ESYT2: variants seen among roughly 807,000 people sequenced by gnomAD.
ESYT2 encodes extended synaptotagmin-2.
In ESYT2, 54 loss-of-function variants were observed where a neutral mutation model predicts 107.2. That is an observed-to-expected ratio of 0.50 (90% confidence interval 0.40 to 0.63). The LOEUF is 0.63. ESYT2 is among the 30% of genes least tolerant of loss of function. ESYT2 has a pLI of 0.00. For synonymous variants in ESYT2, 491 were observed against 434.1 expected (o/e 1.13, Z -1.63); for missense variants, 1,020 against 1,094.5 (o/e 0.93, Z 0.96).
chr7:158,774,587 T>C (rs944550682), intron 6 of ESYT2, among the ~76,000 whole-genome samples: 4 of 152,208 alleles, frequency 2.6e-5, no homozygotes, highest in African/African-American at 9.6e-5. Context: ...TTACACAACT[T>C]AAAAAGGAAC....
At chr7:158,809,322 A>C (rs899353500) in intron 1 of ESYT2, among the ~76,000 whole-genome samples, 1 of 151,856 alleles carries the variant, frequency 6.6e-6, no homozygotes, top group African/African-American at 2.4e-5. Context: ...CTAAAAATAC[A>C]AAAAGTAGCT....
At chr7:158,806,930 T>C (rs768901531) in intron 1 of ESYT2, among the ~76,000 whole-genome samples, 16 of 152,198 alleles carry the variant, frequency 1.1e-4, no homozygotes, top group Non-Finnish European at 1.8e-4. Flanking sequence ...AGATGGGCAA[T>C]TGTAGCACTG....
At chr7:158,828,348 TGCGCAC>T (rs1166435345) in intron 1 of ESYT2, among the ~76,000 whole-genome samples, 1 of 152,204 alleles carries the variant, frequency 6.6e-6, no homozygotes, top group East Asian at 1.9e-4. Context: ...GCTTTGGGAA[TGCGCAC>T]GAGAATCGCG....
chr7:158,782,700 G>A (rs534902055), intron 6 of ESYT2, among the ~76,000 whole-genome samples: 4 of 152,246 alleles, frequency 2.6e-5, no homozygotes, highest in South Asian at 4.1e-4. Flanking sequence ...GTGTGAAAAC[G>A]AATCTGCAAG....
intron 6 of ESYT2, among the ~76,000 whole-genome samples, chr7:158,786,460 C>T (rs1186218692): frequency 6.6e-6 from 1 of 152,116 alleles, no homozygotes; most frequent in South Asian, 2.1e-4. Context: ...TTATGAATCT[C>T]TTAACTTCCT....
At chr7:158,763,032 A>G (rs1838027533) in intron 10 of ESYT2, 51 bp downstream of exon 10, 1 of 1,354,920 alleles carries the variant, frequency 7.4e-7, no homozygotes, top group Admixed American at 1.9e-5. Flanking sequence ...TTATTAAACA[A>G]AAAGACTGAC....
In ESYT2 at chr7:158,764,670, AC is replaced by A; in HGVS notation, c.1101+6del. The A allele has an allele frequency of 6.2e-7, 1 of 1,613,426 alleles. No homozygotes were observed. Among genetic ancestry groups the A allele is most frequent in the Non-Finnish European group, 8.5e-7 (1 of 1,179,626 alleles). ...ACCCCAGCAACACAGCAGACACGACACCCCACCTCATAGACTTCATTCCACT... is the reference window on the plus strand; with the variant it reads ...ACCCCAGCAACACAGCAGACACGACACCCACCTCATAGACTTCATTCCACT... On this transcript the variant is annotated splice_donor_region_variant and intron_variant, in intron 9 of 22. Coordinates refer to ENST00000275418, the MANE Select transcript of ESYT2 (RefSeq NM_001367773.1).
At chr7:158,820,072 G>A (rs1279793064) in intron 1 of ESYT2, among the ~76,000 whole-genome samples, 2 of 152,170 alleles carry the variant, frequency 1.3e-5, no homozygotes, top group East Asian at 3.8e-4. Context: ...TCTAGACACT[G>A]CCGTAATCCA....
chr7:158,807,837 C>T (rs1839877265), intron 1 of ESYT2, among the ~76,000 whole-genome samples: 1 of 152,182 alleles, frequency 6.6e-6, no homozygotes, highest in African/African-American at 2.4e-5. Context: ...AAATTACTTT[C>T]TTCCAGCCAT....
chr7:158,736,825 C>A (rs1836972315), intron 20 of ESYT2, among the ~76,000 whole-genome samples: 1 of 152,202 alleles, frequency 6.6e-6, no homozygotes, highest in African/African-American at 2.4e-5. Flanking sequence ...CACTAGTCTA[C>A]ATGTCCACAG....
At chr7:158,738,954 T>C (rs901404906) in intron 19 of ESYT2, 69 bp downstream of exon 19, 1 of 1,433,658 alleles carries the variant, frequency 7.0e-7, no homozygotes, top group South Asian at 1.2e-5. Context: ...AAAGGCGGTG[T>C]CTACATCATC....
At position 158,807,657 on chromosome 7, in the gene ESYT2, T is replaced by C. The variant is rs1017635052; in HGVS notation, c.331-8585A>G. 8.9e-4 allele frequency among the ~76,000 whole-genome samples: 136 copies of C among 152,302 alleles called. 2 individuals carry two copies. Among genetic ancestry groups the C allele is most frequent in the Non-Finnish European group, 1.3e-4 (9 of 68,022 alleles). ...CCTCACTGCTGTTTGCTGTTACACATTCCCCATAAAGGGTCAGACAGGAAA... is the reference window on the plus strand; with the variant it reads ...CCTCACTGCTGTTTGCTGTTACACACTCCCCATAAAGGGTCAGACAGGAAA... On this transcript the variant is annotated intron_variant, in intron 1 of 22. Coordinates refer to ENST00000275418, the MANE Select transcript of ESYT2 (RefSeq NM_001367773.1).
chr7:158,734,091 G>C lies in ESYT2; in HGVS notation c.*116C>G. 8.2e-7 allele frequency: 1 copy of C among 1,217,064 alleles called. No homozygotes were observed. The highest frequency in any genetic ancestry group is 1.4e-5 in the South Asian group (1 of 71,466). The allele number at this position is 1,217,064 out of a possible 1,614,324, so 75.4% of individuals were successfully genotyped here. A position where few individuals can be genotyped will look rare whatever the true frequency, so the allele number is the denominator to read the frequency against. On this transcript the variant is annotated 3_prime_UTR_variant, in exon 23 of 23. Transcript: ENST00000275418. ...TCAACAATTTTATAAAACTATTAAG[G>C]TATGTATAACTAAATCCATGAAATT...
intron 20 of ESYT2, 83 bp from the exon 21 acceptor site, chr7:158,735,691 G>A: frequency 8.9e-7 from 1 of 1,126,746 alleles, no homozygotes; most frequent in Admixed American, 1.9e-5. Flanking sequence ...CTGCTCATGA[G>A]ATCATTCCAA....
intron 13 of ESYT2, among the ~76,000 whole-genome samples, chr7:158,757,545 C>T (rs572951242): frequency 2.0e-5 from 3 of 151,894 alleles, no homozygotes; most frequent in South Asian, 2.1e-4. Context: ...CCAGAGCTCG[C>T]GGGACGCCCC....
intron 1 of ESYT2, among the ~76,000 whole-genome samples, chr7:158,825,790 T>C (rs962999700): frequency 1.3e-5 from 2 of 152,140 alleles, no homozygotes; most frequent in African/African-American, 4.8e-5. Context: ...TGAAAACAAG[T>C]ACAGCCTTTG....
At chr7:158,819,547 G>A (rs1160521624) in intron 1 of ESYT2, among the ~76,000 whole-genome samples, 1 of 152,102 alleles carries the variant, frequency 6.6e-6, no homozygotes, top group Non-Finnish European at 1.5e-5. Context: ...ATTTAAGAAA[G>A]GAGGATACTA....
Position 158,829,195 on chromosome 7 carries a change from C to T in ESYT2, c.224G>A (p.Arg75His). 6.5e-7 allele frequency: 1 copy of T among 1,533,468 alleles called. No individual in the cohort carries two copies. The allele number at this position is 1,533,468 out of a possible 1,614,324, so 95.0% of individuals were successfully genotyped here. The change falls in exon 1 of 23, where the codon CGC (arginine) becomes CAC (histidine). Residue 75 changes from arginine to histidine, a missense_variant. Physicochemically the swap from Arg to His is conservative, Grantham distance 29. Coordinates refer to ENST00000275418, the MANE Select transcript of ESYT2 (RefSeq NM_001367773.1). ...LALALLAWCR[R>H]SRGLKALRLC... ...GCGCAGGGCCTTGAGGCCGCGGCTG[C>T]GGCGACACCAGGCGAGCAGCGCGAG...
At chr7:158,790,063 C>T (rs538866618) in intron 4 of ESYT2, among the ~76,000 whole-genome samples, 8 of 137,870 alleles carry the variant, frequency 5.8e-5, no homozygotes, top group African/African-American at 2.0e-4. Context: ...CTCCTGGGGG[C>T]GGAGCGTCCT....
Sources: allele counts gnomAD v4.1 joint callset (sites outside exome capture counted in the v4.1 genomes callset), GRCh38; gene constraint gnomAD v4.1.1; transcripts MANE v1.5; gene names NCBI Gene and HGNC (gene_info 2026-07-23, HGNC 2026-07-21).